Variants in LYZL4 observed in about 807,000 individuals in gnomAD.
LYZL4 encodes lysozyme-like protein 4.
A neutral mutation model predicts 17.6 loss-of-function variants in LYZL4; 13 were observed. That is an observed-to-expected ratio of 0.74 (90% CI 0.48 to 1.18). The LOEUF (loss-of-function observed/expected upper bound fraction) is 1.18. LYZL4 is among the 50% of genes most tolerant of loss of function. The probability of loss-of-function intolerance (pLI) is 0.00; values close to 1 mark genes in which losing one functional copy is unlikely to be tolerated. For missense variants in LYZL4, 174 were observed against 188.2 expected (o/e 0.92, Z 0.44); for synonymous variants, 64 against 67.7 (o/e 0.95, Z 0.27).
At chr3:42,382,671 G>A in the LYZL4 span, among the ~76,000 whole-genome samples, 1 of 151,746 alleles carries the variant, frequency 6.6e-6, no homozygotes, top group Non-Finnish European at 1.5e-5. Flanking sequence ...TAAACCATGG[G>A]GCTGGAACTA....
chr3:42,365,826 A>T, the LYZL4 span, among the ~76,000 whole-genome samples: 2 of 152,186 alleles, frequency 1.3e-5, no homozygotes, highest in Admixed American at 6.6e-5. Context: ...TACATTTTTT[A>T]AATTTTTACT....
intron 3 of LYZL4, among the ~76,000 whole-genome samples, chr3:42,406,546 C>T (rs1014504865): frequency 3.3e-5 from 5 of 151,962 alleles, no homozygotes; most frequent in Non-Finnish European, 5.9e-5. Flanking sequence ...GCCCTCTGCT[C>T]CCGCCCTTCA....
chr3:42,364,341 CTTTTTTTTTT>C, the LYZL4 span, among the ~76,000 whole-genome samples: 12 of 119,862 alleles, frequency 1.0e-4, no homozygotes, highest in East Asian at 2.7e-3. Context: ...TTTTTCTTTT[CTTTTTTTTTT>C]TTTTTTTTCA....
At chr3:42,368,849 C>T in the LYZL4 span, among the ~76,000 whole-genome samples, 33 of 152,214 alleles carry the variant, frequency 2.2e-4, no homozygotes, top group South Asian at 3.3e-3. Flanking sequence ...AATGTGTTCT[C>T]GTTATTGTTT....
chr3:42,397,402 C>T, intron 4 of LYZL4, 68 bp from the exon 5 acceptor site: 1 of 1,096,672 alleles, frequency 9.1e-7, no homozygotes, highest in Non-Finnish European at 1.4e-6. Flanking sequence ...GCTTCACAGC[C>T]CCATTCAGGC....
downstream of LYZL4, among the ~76,000 whole-genome samples, chr3:42,392,907 G>A (rs1314422798): frequency 6.6e-6 from 1 of 152,184 alleles, no homozygotes; most frequent in African/African-American, 2.4e-5. Flanking sequence ...AAGTGAAGTG[G>A]AGGACAAGAT....
chr3:42,404,356 A>C (rs1698712316), intron 3 of LYZL4, among the ~76,000 whole-genome samples: 2 of 152,120 alleles, frequency 1.3e-5, no homozygotes, highest in African/African-American at 4.8e-5. Context: ...TTTTCCATTA[A>C]AATATATTGA....
At chr3:42,402,315 C>CTTTTTTTTTT (rs201251667) in intron 4 of LYZL4, among the ~76,000 whole-genome samples, 1 of 136,976 alleles carries the variant, frequency 7.3e-6, no homozygotes, top group African/African-American at 2.8e-5. Context: ...CTTTTCTTTT[C>CTTTTTTTTTT]TTTCTTTTTT....
the LYZL4 span, among the ~76,000 whole-genome samples, chr3:42,365,532 G>T: frequency 6.6e-6 from 1 of 152,158 alleles, no homozygotes; most frequent in Admixed American, 6.5e-5. Context: ...CTTGGTGAGA[G>T]GCTAGAGTGC....
intron 3 of LYZL4, 81 bp downstream of exon 3, chr3:42,406,765 C>T (rs1014207740): frequency 1.3e-6 from 2 of 1,558,862 alleles, no homozygotes; most frequent in African/African-American, 1.3e-5. Flanking sequence ...ACTTTGTAAA[C>T]TCTGGCCATT....
the LYZL4 span, among the ~76,000 whole-genome samples, chr3:42,373,144 G>A: frequency 6.6e-6 from 1 of 152,180 alleles, no homozygotes; most frequent in Non-Finnish European, 1.5e-5. Flanking sequence ...CCTGGAGGCA[G>A]AGGTTGCAGT....
chr3:42,404,662 T>C (rs1698717646), intron 3 of LYZL4, among the ~76,000 whole-genome samples: 1 of 152,272 alleles, frequency 6.6e-6, no homozygotes, highest in Non-Finnish European at 1.5e-5. Flanking sequence ...GAGATATAGA[T>C]AGATAGATGA....
the LYZL4 span, among the ~76,000 whole-genome samples, chr3:42,377,743 C>A: frequency 4.6e-5 from 7 of 151,884 alleles, no homozygotes; most frequent in Non-Finnish European, 1.0e-4. Context: ...TGATATTTTT[C>A]ACCCCAAGTC....
At chr3:42,386,475 T>C in the LYZL4 span, among the ~76,000 whole-genome samples, 4 of 143,766 alleles carry the variant, frequency 2.8e-5, no homozygotes, top group East Asian at 8.5e-4. Flanking sequence ...GGAATTATCT[T>C]CTCACCTCAA....
At position 42,409,161 on chromosome 3, in the gene LYZL4, T is replaced by C. The variant is rs141475891; in HGVS notation, c.-93+1256A>G. 3.2e-4 allele frequency among the ~76,000 whole-genome samples: 48 copies of C among 152,280 alleles called. 1 individual carries two copies. The highest frequency in any genetic ancestry group is 1.1e-3 in the African/African-American group (46 of 41,548). On this transcript the variant is annotated intron_variant, in intron 1 of 4. Transcript: ENST00000287748. The stretch of plus-strand genomic sequence containing the variant: ...CCCTCAGTGGCTGAGATATCAGTGA[T>C]CCCAGCAGTAATCTTAGACAAATTG...
At chr3:42,408,144 G>A (rs966961358) in intron 1 of LYZL4, among the ~76,000 whole-genome samples, 1 of 152,154 alleles carries the variant, frequency 6.6e-6, no homozygotes, top group Admixed American at 6.6e-5. Context: ...AACTCATGCA[G>A]GTGGTGTTTT....
chr3:42,366,189 G>A, the LYZL4 span, among the ~76,000 whole-genome samples: 1 of 152,076 alleles, frequency 6.6e-6, no homozygotes, highest in African/African-American at 2.4e-5. Flanking sequence ...GCCTGTCCCT[G>A]GGGCTTGTCT....
chr3:42,403,989 A>G, intron 4 of LYZL4, 57 bp downstream of exon 4: 1 of 1,261,398 alleles, frequency 7.9e-7, no homozygotes, highest in Middle Eastern at 1.9e-4. Flanking sequence ...CAAGATTCAG[A>G]TTAGAGATCA....
the LYZL4 span, among the ~76,000 whole-genome samples, chr3:42,381,578 G>T: frequency 2.0e-5 from 3 of 152,232 alleles, no homozygotes; most frequent in South Asian, 2.1e-4. Flanking sequence ...GAAGGAGCAA[G>T]AATTTACCAC....
Sources: gnomAD v4.1 joint callset for allele counts (sites outside exome capture counted in the v4.1 genomes callset) on GRCh38, gnomAD v4.1.1 for gene constraint, MANE v1.5 for transcripts, NCBI Gene and HGNC (gene_info 2026-07-23, HGNC 2026-07-21) for gene names.